The following UPF2 variants were observed in gnomAD, a reference collection of about 807,000 sequenced individuals.
UPF2 encodes regulator of nonsense transcripts 2.
A neutral mutation model predicts 141.4 loss-of-function variants in UPF2; 17 were observed. The observed-to-expected ratio is 0.12, with a 90% CI of 0.08 to 0.18. The LOEUF is 0.18. Among genes scored for constraint, UPF2 ranks in the 10% least tolerant of loss-of-function variants. UPF2 has a pLI of 1.00. For synonymous variants in UPF2, 540 were observed against 498.0 expected, an observed-to-expected ratio of 1.08 and a Z score of -1.12; for missense variants, 1,152 against 1,515.9, an observed-to-expected ratio of 0.76 and a Z score of 3.99.
rs538974687 is a variant in UPF2, at chr10:11,998,819, A to C, written c.1759-1062T>G. ...CAGTGAGCCGAGAACATGCCACTGC[A>C]CTCCAGCCTGGGCAACAGAGCAAGA... is the stretch of plus-strand genomic sequence containing the variant. On this transcript the variant is annotated intron_variant, in intron 7 of 21. Coordinates refer to ENST00000357604, the MANE Select transcript of UPF2 (RefSeq NM_015542.4). This position sits in a 1 kb window ranked among gnomAD's most constrained non-coding sequence, Gnocchi z 4.5. Among the ~76,000 whole-genome samples, 5 of 152,092 alleles carry C rather than the reference A, an allele frequency of 3.3e-5. No individual in the cohort carries two copies. The East Asian group carries it at 9.7e-4, about 29-fold the overall frequency.
At chr10:12,000,991 C>G (rs1178949243) in intron 6 of UPF2, among the ~76,000 whole-genome samples, 1 of 152,114 alleles carries the variant, frequency 6.6e-6, no homozygotes, top group Non-Finnish European at 1.5e-5. Flanking sequence ...GAATAACTTT[C>G]AAATACATTT....
Position 11,956,635 on chromosome 10 carries a change from A to T in UPF2, c.2371-112T>A. 2.2e-6 allele frequency: 2 copies of T among 913,968 alleles called. No homozygotes were observed. Among genetic ancestry groups the T allele is most frequent in the Non-Finnish European group, 3.4e-6 (2 of 596,952 alleles). The allele number at this position is 913,968 out of a possible 1,614,324, so 56.6% of individuals were successfully genotyped here. A position where few individuals can be genotyped will look rare whatever the true frequency, so the allele number is the denominator to read the frequency against. ...AGAGAACTTTTGAAATAGAAAATAC[A>T]TTAGAAATCCTCTATCGGCCTCTTC... On this transcript the variant is annotated intron_variant, in intron 12 of 21. Transcript: ENST00000357604. The surrounding 1 kb of genome is among the most constrained non-coding windows in gnomAD (Gnocchi z 4.2).
chr10:11,962,903 T>C (rs868590567), intron 11 of UPF2, among the ~76,000 whole-genome samples: 5 of 152,206 alleles, frequency 3.3e-5, no homozygotes, highest in Admixed American at 1.3e-4. Flanking sequence ...TTTCCTGATA[T>C]AGTAAATTAG....
chr10:11,921,430 C>CT lies in UPF2; in HGVS notation c.3810-124_3810-123insA. The CT allele has an allele frequency of 8.3e-7, 1 of 1,204,618 alleles. No homozygotes were observed. The highest frequency in any genetic ancestry group is 2.3e-5 in the East Asian group (1 of 42,756). 74.6% of individuals were successfully genotyped at this position (1,204,618 alleles called of 1,614,324 possible). Reference sequence around the variant, plus strand: ...TCCCCCAAGTTACAGGTGGCCCTGGCATCTGCGGGTTCCACATCCATGGAC... The same window carrying CT: ...TCCCCCAAGTTACAGGTGGCCCTGGCTATCTGCGGGTTCCACATCCATGGAC... On this transcript the variant is annotated intron_variant, in intron 21 of 21. Transcript: ENST00000357604. The surrounding 1 kb of genome is among the most constrained non-coding windows in gnomAD (Gnocchi z 5.9).
intron 18 of UPF2, among the ~76,000 whole-genome samples, chr10:11,938,855 T>TG (rs1832891548): frequency 8.2e-5 from 5 of 61,166 alleles, no homozygotes; most frequent in Admixed American, 4.6e-4. Flanking sequence ...TTTTTTTTGT[T>TG]TTTTTTTTTT....
At chr10:12,013,121 T>C (rs1443425632) in intron 4 of UPF2, among the ~76,000 whole-genome samples, 1 of 147,560 alleles carries the variant, frequency 6.8e-6, no homozygotes, top group Non-Finnish European at 1.5e-5. Context: ...CAAGACTCTG[T>C]CTCAAAAAAA....
At chr10:11,926,570 G>A (rs1255867735) in intron 21 of UPF2, among the ~76,000 whole-genome samples, 1 of 152,252 alleles carries the variant, frequency 6.6e-6, no homozygotes, top group East Asian at 1.9e-4. Context: ...AGATGCCAAG[G>A]AAGGGTCTGT....
In UPF2 at chr10:11,943,080, GTTTCAT is replaced by G. The variant is rs766783071; in HGVS notation, c.3257_3262del (p.Asn1086_Glu1087del). ...CATACGTACAGTATTCTCTTCATCG[GTTTCAT>G]TTTCCTTATTGGAATCTGTAAGGTA... On this transcript the variant is annotated inframe_deletion, in exon 17 of 22. Coordinates refer to ENST00000357604, the MANE Select transcript of UPF2 (RefSeq NM_015542.4). The G allele has an allele frequency of 1.9e-6, 3 of 1,610,992 alleles. No individual in the cohort carries two copies. The highest frequency in any genetic ancestry group is 2.5e-6 in the Non-Finnish European group (3 of 1,178,516).
At chr10:12,000,618 A>G (rs1833936108) in intron 6 of UPF2, among the ~76,000 whole-genome samples, 1 of 152,106 alleles carries the variant, frequency 6.6e-6, no homozygotes, top group Non-Finnish European at 1.5e-5. Flanking sequence ...TGTCTCTAAA[A>G]AATATAAAAT....
chr10:11,958,842 AGG>A (rs1833196403), intron 12 of UPF2, among the ~76,000 whole-genome samples: 1 of 152,216 alleles, frequency 6.6e-6, no homozygotes, highest in African/African-American at 2.4e-5. Context: ...ACTAAAGGTT[AGG>A]ATCCTGTGTA....
At chr10:11,922,680 T>C (rs1832660600) in intron 21 of UPF2, among the ~76,000 whole-genome samples, 2 of 152,242 alleles carry the variant, frequency 1.3e-5, no homozygotes, top group African/African-American at 2.4e-5. Context: ...AAAAACTGTT[T>C]ATTAATACAA....
At position 11,998,609 on chromosome 10, in the gene UPF2, C is replaced by G. The variant is rs1435892788; in HGVS notation, c.1759-852G>C. On this transcript the variant is annotated intron_variant, in intron 7 of 21. Coordinates refer to ENST00000357604, the MANE Select transcript of UPF2 (RefSeq NM_015542.4). The surrounding 1 kb of genome is among the most constrained non-coding windows in gnomAD (Gnocchi z 4.5). Reference sequence around the variant, plus strand: ...GGCTCACACCTGTAATTCTAGCACTCTGGGAGGCCGAGGTGGGTGGATCAC... The same window carrying G: ...GGCTCACACCTGTAATTCTAGCACTGTGGGAGGCCGAGGTGGGTGGATCAC... Among the ~76,000 whole-genome samples the G allele has an allele frequency of 1.3e-5, 2 of 152,062 alleles. No individual in the cohort carries two copies. Among genetic ancestry groups the G allele is most frequent in the Admixed American group, 6.5e-5 (1 of 15,268 alleles).
chr10:11,929,415 T>A (rs1322969479), intron 21 of UPF2, among the ~76,000 whole-genome samples: 1 of 152,186 alleles, frequency 6.6e-6, no homozygotes. Flanking sequence ...CGTGGGCAGA[T>A]GGCTTGAGCT....
In UPF2 at chr10:11,939,151, T is replaced by C. The variant is rs907872703; in HGVS notation, c.3379-2439A>G. The stretch of plus-strand genomic sequence containing the variant: ...TCCCAAAGTGATGGGATTACAGGCA[T>C]TGAGCCACTGTGCCTGGCCAGCAAG... On this transcript the variant is annotated intron_variant, in intron 18 of 21. Coordinates refer to ENST00000357604, the MANE Select transcript of UPF2 (RefSeq NM_015542.4). This position sits in a 1 kb window ranked among gnomAD's most constrained non-coding sequence, Gnocchi z 4.8. 2.0e-5 allele frequency among the ~76,000 whole-genome samples: 3 copies of C among 152,060 alleles called. No individual in the cohort carries two copies. Among genetic ancestry groups the C allele is most frequent in the African/African-American group, 7.2e-5 (3 of 41,394 alleles).
chr10:11,921,197 G>T lies in UPF2; in HGVS notation c.*101C>A. 1 of 1,528,458 alleles carries T rather than the reference G, an allele frequency of 6.5e-7. No individual in the cohort carries two copies. Among genetic ancestry groups the T allele is most frequent in the South Asian group, 1.1e-5 (1 of 89,114 alleles). The allele number at this position is 1,528,458 out of a possible 1,614,324, so 94.7% of individuals were successfully genotyped here. On this transcript the variant is annotated 3_prime_UTR_variant, in exon 22 of 22. Transcript: ENST00000357604. This position sits in a 1 kb window ranked among gnomAD's most constrained non-coding sequence, Gnocchi z 5.9. ...GTTTAGATTCGCAACTCTCTAGACC[G>T]ACCTGCTGAGATGTGTCCACTGCTC...
At chr10:11,952,469 CTTT>C (rs869201076) in intron 14 of UPF2, among the ~76,000 whole-genome samples, 1 of 97,736 alleles carries the variant, frequency 1.0e-5, no homozygotes. Context: ...TACTAAATAT[CTTT>C]TTTTTTTTTT....
At chr10:11,991,680 CAAAT>C (rs573925330) in intron 8 of UPF2, among the ~76,000 whole-genome samples, 1 of 152,020 alleles carries the variant, frequency 6.6e-6, no homozygotes, top group South Asian at 2.1e-4. Context: ...TGGCAAATGC[CAAAT>C]GACTATTGAG....
At chr10:12,012,862 G>C (rs1564366118) in intron 4 of UPF2, among the ~76,000 whole-genome samples, 2 of 151,790 alleles carry the variant, frequency 1.3e-5, no homozygotes, top group Admixed American at 6.6e-5. Flanking sequence ...TAAGAGCCTG[G>C]GTGCAGTGGC....
chr10:11,992,250 G>GT lies in UPF2; in HGVS notation c.1844+5421dup, dbSNP rs1398310758. Among the ~76,000 whole-genome samples the GT allele has an allele frequency of 6.6e-6, 1 of 152,140 alleles. No individual in the cohort carries two copies. The highest frequency in any genetic ancestry group is 2.4e-5 in the African/African-American group (1 of 41,438). On this transcript the variant is annotated intron_variant, in intron 8 of 21. Transcript: ENST00000357604. This position sits in a 1 kb window ranked among gnomAD's most constrained non-coding sequence, Gnocchi z 4.1. ...GGATATGTCATCAATATAAAAATAA[G>GT]TGAGGGGGGATGGAAAAGCAGACAG...
Sources: gnomAD v4.1 joint callset for allele counts (sites outside exome capture counted in the v4.1 genomes callset) on GRCh38, gnomAD v4.1.1 for gene constraint, Gnocchi (gnomAD v3.1) non-coding constraint, MANE v1.5 for transcripts, NCBI Gene and HGNC (gene_info 2026-07-23, HGNC 2026-07-21) for gene names.